The following MED14 variants were observed in gnomAD, a reference collection of about 807,000 sequenced individuals.
The protein encoded by MED14 is mediator of RNA polymerase II transcription subunit 14.
A neutral mutation model predicts 109.0 loss-of-function variants in MED14; 8 were observed. That is an observed-to-expected ratio of 0.07 (90% CI 0.04 to 0.13). MED14 has a LOEUF of 0.13. Ranked by LOEUF, MED14 falls within the 10% of genes least tolerant of loss-of-function variation. The probability of loss-of-function intolerance (pLI) is 1.00; values close to 1 mark genes in which losing one functional copy is unlikely to be tolerated. For missense variants in MED14, 711 were observed against 1,142.4 expected (o/e 0.62, Z 5.44); for synonymous variants, 399 against 408.7 (o/e 0.98, Z 0.29).
chrX:40,651,239 G>C lies in MED14; in HGVS notation c.*567C>G. 1.3e-6 allele frequency: 1 copy of C among 753,315 alleles called. No individual in the cohort carries two copies. The highest frequency in any genetic ancestry group is 1.6e-6 in the Non-Finnish European group (1 of 638,133). The allele number at this position is 753,315 out of a possible 1,213,427, so 62.1% of individuals were successfully genotyped here. On this transcript the variant is annotated 3_prime_UTR_variant, in exon 31 of 31. Transcript: ENST00000324817. ...GAAGGGAGGGCCTAAGATGTCTCTA[G>C]AGTTTATATACACACAAGTGAGTGT...
intron 10 of MED14, among the ~76,000 whole-genome samples, chrX:40,708,956 A>C (rs1254299325): frequency 1.8e-5 from 2 of 111,992 alleles, no homozygotes; most frequent in Non-Finnish European, 3.8e-5. Context: ...CATGTTTCAT[A>C]AAGTTTTTCT....
intron 3 of MED14, among the ~76,000 whole-genome samples, chrX:40,720,303 C>T (rs763654959): frequency 8.9e-6 from 1 of 112,059 alleles, no homozygotes; most frequent in South Asian, 3.7e-4. Flanking sequence ...AGTCTTGAAT[C>T]CCTGACACCA....
Position 40,650,799 on chromosome X carries a change from GAAGGA to G in MED14, c.*1002_*1006del. ...TTAGAACAATCCCAATTTTGGTGGG[GAAGGA>G]AAGGAGGATAAGTTAAGCAAGATAA... On this transcript the variant is annotated 3_prime_UTR_variant, in exon 31 of 31. Coordinates refer to ENST00000324817, the MANE Select transcript of MED14 (RefSeq NM_004229.4). 4.0e-6 allele frequency: 3 copies of G among 753,869 alleles called. No homozygotes were observed. The highest frequency in any genetic ancestry group is 4.7e-6 in the Non-Finnish European group (3 of 638,894). 62.1% of individuals were successfully genotyped at this position (753,869 alleles called of 1,213,427 possible).
At chrX:40,655,986 AGATT>A (rs1929040738) in intron 28 of MED14, among the ~76,000 whole-genome samples, 1 of 111,724 alleles carries the variant, frequency 9.0e-6, no homozygotes, top group Non-Finnish European at 1.9e-5. Flanking sequence ...CATACAGAGA[AGATT>A]GATTATATGA....
intron 23 of MED14, among the ~76,000 whole-genome samples, chrX:40,671,361 T>C (rs1390645849): frequency 8.9e-6 from 1 of 112,463 alleles, no homozygotes; most frequent in African/African-American, 3.2e-5. Flanking sequence ...AAAGCCATTA[T>C]GTCTGGACAA....
At chrX:40,700,479 T>C (rs943738512) in intron 12 of MED14, among the ~76,000 whole-genome samples, 26 of 109,054 alleles carry the variant, frequency 2.4e-4, no homozygotes, top group African/African-American at 8.0e-4. Flanking sequence ...TAAAAGATTA[T>C]AAAAACAATA....
chrX:40,685,332 C>A (rs979845838), intron 16 of MED14, among the ~76,000 whole-genome samples: 1 of 111,817 alleles, frequency 8.9e-6, no homozygotes, highest in African/African-American at 3.3e-5. Flanking sequence ...TATGGCCCTG[C>A]AGTGCAAAAC....
At position 40,650,259 on chromosome X, in the gene MED14, A is replaced by G. The variant is rs959348435; in HGVS notation, c.*1547T>C. Reference sequence around the variant, plus strand: ...GAGTTGGGTGAGAAGTGGGAGATGAAGGCAGAAATAAGACAAAGAAGAAAG... The same window carrying G: ...GAGTTGGGTGAGAAGTGGGAGATGAGGGCAGAAATAAGACAAAGAAGAAAG... On this transcript the variant is annotated 3_prime_UTR_variant, in exon 31 of 31. Transcript: ENST00000324817. 1.3e-6 allele frequency: 1 copy of G among 752,055 alleles called. No individual in the cohort carries two copies. Among genetic ancestry groups the G allele is most frequent in the Non-Finnish European group, 1.6e-6 (1 of 638,272 alleles). The allele number at this position is 752,055 out of a possible 1,213,427, so 62.0% of individuals were successfully genotyped here. A position where few individuals can be genotyped will look rare whatever the true frequency, so the allele number is the denominator to read the frequency against.
At chrX:40,670,215 T>A (rs1023230047) in intron 23 of MED14, among the ~76,000 whole-genome samples, 2 of 111,982 alleles carry the variant, frequency 1.8e-5, no homozygotes, top group Non-Finnish European at 3.8e-5. Flanking sequence ...CAAGACAGAT[T>A]ACAATGGACT....
At chrX:40,664,917 A>G (rs1929420190) in intron 24 of MED14, among the ~76,000 whole-genome samples, 1 of 111,560 alleles carries the variant, frequency 9.0e-6, no homozygotes, top group Non-Finnish European at 1.9e-5. Flanking sequence ...CTTTATTTAG[A>G]CTACGTTGAC....
chrX:40,731,691 C>T (rs1932085299), intron 1 of MED14, among the ~76,000 whole-genome samples: 1 of 111,842 alleles, frequency 8.9e-6, no homozygotes, highest in Admixed American at 9.4e-5. Flanking sequence ...TTGTGATATC[C>T]ATCATCTTAA....
intron 21 of MED14, among the ~76,000 whole-genome samples, chrX:40,678,906 A>T (rs1207632195): frequency 2.7e-5 from 3 of 112,404 alleles, no homozygotes; most frequent in African/African-American, 9.7e-5. Flanking sequence ...GTAAACAAAT[A>T]GCAATGTAGG....
At chrX:40,678,516 T>A (rs1929993430) in intron 21 of MED14, among the ~76,000 whole-genome samples, 1 of 111,155 alleles carries the variant, frequency 9.0e-6, no homozygotes, top group Admixed American at 9.6e-5. Context: ...CTAATCAAAA[T>A]TGCTACCTAA....
Position 40,659,599 on chromosome X carries a change from C to T in MED14, c.3693G>A (p.Leu1231=), listed in dbSNP as rs375303253. The T allele has an allele frequency of 6.7e-6, 8 of 1,193,045 alleles. No homozygotes were observed. Among genetic ancestry groups the T allele is most frequent in the Non-Finnish European group, 9.0e-6 (8 of 886,747 alleles). Reference sequence around the variant, plus strand: ...TCACTCCGGGTTCATTAGAATTTATCAGCTGCAGCTACAAAACAAGGACAC... The same window carrying T: ...TCACTCCGGGTTCATTAGAATTTATTAGCTGCAGCTACAAAACAAGGACAC... ...QRIIQQETLQ[L]INSNEPGVIM... Residue 1231 remains leucine, a synonymous_variant, in exon 27 of 31, where the codon CTG becomes CTA. Transcript: ENST00000324817.
In MED14 at chrX:40,671,749, G is replaced by A. The variant is rs1929737054; in HGVS notation, c.3133+112C>T. ...AACTATCTAGCCATAGACTAGAAAG[G>A]GAATTCTCTCTGAAGCCTGAGACTA... On this transcript the variant is annotated intron_variant, in intron 23 of 30. Coordinates refer to ENST00000324817, the MANE Select transcript of MED14 (RefSeq NM_004229.4). 7 of 453,262 alleles carry A rather than the reference G, an allele frequency of 1.5e-5. No individual in the cohort carries two copies. The South Asian group carries it at 3.7e-4, about 24-fold the overall frequency. 37.4% of individuals were successfully genotyped at this position (453,262 alleles called of 1,213,427 possible).
intron 3 of MED14, among the ~76,000 whole-genome samples, chrX:40,716,376 TGAGCCCAG>T (rs1931521429): frequency 9.0e-6 from 1 of 110,866 alleles, no homozygotes; most frequent in Non-Finnish European, 1.9e-5. Context: ...GAGGATTGCT[TGAGCCCAG>T]GACTTGCAGA....
At position 40,663,177 on chromosome X, in the gene MED14, C is replaced by T. The variant is rs776387592; in HGVS notation, c.3449-17G>A. ...TTTGAGAACCTTTTGGGAAGGAAAA[C>T]ATGTTATGTCATTTACAAATACATA... On this transcript the variant is annotated splice_polypyrimidine_tract_variant and intron_variant, in intron 25 of 30. Coordinates refer to ENST00000324817, the MANE Select transcript of MED14 (RefSeq NM_004229.4). 65 of 1,106,276 alleles carry T rather than the reference C, an allele frequency of 5.9e-5. No homozygotes were observed. The South Asian group carries it at 1.1e-3, about 18-fold the overall frequency. The allele number at this position is 1,106,276 out of a possible 1,213,427, so 91.2% of individuals were successfully genotyped here.
intron 15 of MED14, among the ~76,000 whole-genome samples, chrX:40,690,321 A>T (rs981895878): frequency 9.0e-6 from 1 of 111,574 alleles, no homozygotes; most frequent in Non-Finnish European, 1.9e-5. Context: ...GGCTCTTTAC[A>T]ATTTCACACC....
chrX:40,723,944 A>G (rs1238052822), intron 3 of MED14, among the ~76,000 whole-genome samples: 1 of 111,442 alleles, frequency 9.0e-6, no homozygotes, highest in South Asian at 3.7e-4. Flanking sequence ...TCCGTTGCCT[A>G]TAAGAAACAT....
Sources: gnomAD v4.1 joint callset for allele counts (sites outside exome capture counted in the v4.1 genomes callset) on GRCh38, gnomAD v4.1.1 for gene constraint, MANE v1.5 for transcripts, NCBI Gene and HGNC (gene_info 2026-07-23, HGNC 2026-07-21) for gene names.